Variants in SEC22A observed in about 807,000 individuals in gnomAD.
The protein encoded by SEC22A is SEC22 homolog A, vesicle trafficking protein, also known as vesicle-trafficking protein SEC22a.
SEC22A carries 22 observed loss-of-function variants against 35.3 expected under a neutral mutation model. That is an observed-to-expected ratio of 0.62 (90% confidence interval 0.45 to 0.89). The LOEUF (loss-of-function observed/expected upper bound fraction) is 0.89. SEC22A is among the 40% of genes least tolerant of loss of function. The pLI, the probability that SEC22A is intolerant of heterozygous loss-of-function variation, is 0.00. For synonymous variants in SEC22A, 119 were observed against 129.5 expected, an observed-to-expected ratio of 0.92 and a Z score of 0.55; for missense variants, 354 against 362.5, an observed-to-expected ratio of 0.98 and a Z score of 0.19.
At chr3:123,264,383 CTT>C (rs1300675262) in intron 6 of SEC22A, among the ~76,000 whole-genome samples, 15 of 152,122 alleles carry the variant, frequency 9.9e-5, no homozygotes, top group Admixed American at 9.8e-4. Flanking sequence ...AACTGAAAAA[CTT>C]TTCCAGAGTA....
intron 5 of SEC22A, among the ~76,000 whole-genome samples, chr3:123,248,454 T>G (rs750935023): frequency 2.9e-4 from 44 of 152,136 alleles, no homozygotes; most frequent in Non-Finnish European, 5.7e-4. Context: ...GAATTAAAAT[T>G]TGAAATTAAA....
chr3:123,215,755 T>C (rs1219858283), intron 2 of SEC22A, among the ~76,000 whole-genome samples: 1 of 152,228 alleles, frequency 6.6e-6, no homozygotes, highest in Admixed American at 6.5e-5. Context: ...CTCTTTACCC[T>C]TAACCCCTTT....
chr3:123,214,401 A>G (rs1047511517), intron 2 of SEC22A, among the ~76,000 whole-genome samples: 2 of 152,072 alleles, frequency 1.3e-5, no homozygotes, highest in Admixed American at 6.5e-5. Flanking sequence ...TAAATGAGGG[A>G]TGGTTGTTTT....
At chr3:123,227,424 G>T (rs1937234063) in intron 4 of SEC22A, among the ~76,000 whole-genome samples, 1 of 151,978 alleles carries the variant, frequency 6.6e-6, no homozygotes, top group African/African-American at 2.4e-5. Flanking sequence ...CATGGACACA[G>T]GGAGGGGAAC....
intron 5 of SEC22A, among the ~76,000 whole-genome samples, chr3:123,259,034 A>G (rs1014877025): frequency 1.3e-5 from 2 of 152,202 alleles, no homozygotes; most frequent in African/African-American, 4.8e-5. Flanking sequence ...AGCACACTCT[A>G]GTGGACAGTA....
At chr3:123,223,536 A>G in intron 2 of SEC22A, 23 bp from the exon 3 acceptor site, 1 of 1,603,014 alleles carries the variant, frequency 6.2e-7, no homozygotes, top group Non-Finnish European at 8.5e-7. Flanking sequence ...GAAATTTTAA[A>G]ACCAATGTTT....
intron 4 of SEC22A, among the ~76,000 whole-genome samples, chr3:123,231,562 A>G (rs142443024): frequency 5.3e-5 from 8 of 152,232 alleles, no homozygotes; most frequent in Non-Finnish European, 1.2e-4. Context: ...TAGACAGTAC[A>G]TTCCTAAATA....
intron 4 of SEC22A, among the ~76,000 whole-genome samples, chr3:123,235,113 G>A (rs557792301): frequency 9.2e-5 from 14 of 151,932 alleles, no homozygotes; most frequent in East Asian, 3.9e-4. Context: ...GGCTGGTCTC[G>A]CACTCGTCGG....
chr3:123,250,812 T>C (rs996197333), intron 5 of SEC22A, among the ~76,000 whole-genome samples: 1 of 152,124 alleles, frequency 6.6e-6, no homozygotes, highest in African/African-American at 2.4e-5. Flanking sequence ...TAGGATAGCT[T>C]GATGGAATAA....
In SEC22A at chr3:123,201,970, G is replaced by A. The variant is rs961405427; in HGVS notation, c.-36G>A. On this transcript the variant is annotated 5_prime_UTR_variant, in exon 1 of 7. Coordinates refer to ENST00000492595, the MANE Select transcript of SEC22A (RefSeq NM_012430.5). ...TTCGGGGCGCGTCACTCGGAGCGGC[G>A]GGTCCCGTCTCGACAGGTACTCCCC... is the stretch of plus-strand genomic sequence containing the variant. The A allele has an allele frequency of 3.3e-5, 5 of 152,650 alleles. No individual in the cohort carries two copies. Among genetic ancestry groups the A allele is most frequent in the Non-Finnish European group, 7.3e-5 (5 of 68,108 alleles). The allele number at this position is 152,650 out of a possible 1,614,324, so 9.5% of individuals were successfully genotyped here.
At chr3:123,221,490 A>G (rs961563725) in intron 2 of SEC22A, among the ~76,000 whole-genome samples, 1 of 151,274 alleles carries the variant, frequency 6.6e-6, no homozygotes, top group Non-Finnish European at 1.5e-5. Flanking sequence ...AAAAAAAAAA[A>G]AAAAGATTAC....
chr3:123,210,091 A>C (rs1485632752), intron 2 of SEC22A, among the ~76,000 whole-genome samples: 1 of 152,230 alleles, frequency 6.6e-6, no homozygotes, highest in Non-Finnish European at 1.5e-5. Flanking sequence ...TTTGGAGTCT[A>C]TTAGTCTGTT....
rs1382562824 is a variant in SEC22A at position 123,202,001 on chromosome 3, C to A, written c.-20+15C>A. On this transcript the variant is annotated intron_variant, in intron 1 of 6. Transcript: ENST00000492595. ...CGTCTCGACAGGTACTCCCCGGCCC[C>A]TCCCAGTCCTCTTCTTCCTTTCTTA... The A allele has an allele frequency of 1.3e-5, 2 of 152,870 alleles. No homozygotes were observed. The highest frequency in any genetic ancestry group is 1.3e-4 in the Admixed American group (2 of 15,288). The allele number at this position is 152,870 out of a possible 1,614,324, so 9.5% of individuals were successfully genotyped here. A position where few individuals can be genotyped will look rare whatever the true frequency, so the allele number is the denominator to read the frequency against.
chr3:123,205,980 T>C (rs1418015252), intron 1 of SEC22A, among the ~76,000 whole-genome samples: 1 of 152,230 alleles, frequency 6.6e-6, no homozygotes, highest in Non-Finnish European at 1.5e-5. Flanking sequence ...ATATATTTAT[T>C]GATCTGTCCT....
chr3:123,203,925 A>G (rs986516720), intron 1 of SEC22A, among the ~76,000 whole-genome samples: 1 of 152,194 alleles, frequency 6.6e-6, no homozygotes, highest in African/African-American at 2.4e-5. Flanking sequence ...GGTCTTATAC[A>G]TACTGTGCAG....
intron 4 of SEC22A, among the ~76,000 whole-genome samples, chr3:123,238,774 G>A (rs552671458): frequency 1.6e-4 from 24 of 152,174 alleles, no homozygotes; most frequent in African/African-American, 5.5e-4. Context: ...AGTCTGGCAT[G>A]AATGTTTTTA....
At chr3:123,255,218 T>C (rs1301395957) in intron 5 of SEC22A, among the ~76,000 whole-genome samples, 1 of 152,246 alleles carries the variant, frequency 6.6e-6, no homozygotes, top group Non-Finnish European at 1.5e-5. Flanking sequence ...ATTTACATTT[T>C]TCTTCATGAC....
At chr3:123,211,015 AAGTTC>A (rs1386909983) in intron 2 of SEC22A, among the ~76,000 whole-genome samples, 1 of 152,158 alleles carries the variant, frequency 6.6e-6, no homozygotes, top group African/African-American at 2.4e-5. Context: ...ATCGCCCTGA[AAGTTC>A]AGATTGAAGG....
intron 1 of SEC22A, among the ~76,000 whole-genome samples, chr3:123,205,530 A>C (rs1936836290): frequency 6.6e-6 from 1 of 152,150 alleles, no homozygotes; most frequent in Non-Finnish European, 1.5e-5. Flanking sequence ...TCTACTAAAA[A>C]TACAAAAATT....
Sources: gnomAD v4.1 joint callset for allele counts (sites outside exome capture counted in the v4.1 genomes callset) on GRCh38, gnomAD v4.1.1 for gene constraint, MANE v1.5 for transcripts, NCBI Gene and HGNC (gene_info 2026-07-23, HGNC 2026-07-21) for gene names.